NEDD4: variants seen among roughly 807,000 people sequenced by gnomAD.
NEDD4 encodes NEDD4 E3 ubiquitin protein ligase, also known as E3 ubiquitin-protein ligase NEDD4.
Under a neutral mutation model 144.9 loss-of-function variants are expected in NEDD4, and 99 were observed. The ratio of observed to expected loss-of-function variants is 0.68; its 90% CI spans 0.58 to 0.81. The LOEUF (loss-of-function observed/expected upper bound fraction) is 0.81. Ranked by LOEUF, NEDD4 falls within the 30% of genes least tolerant of loss-of-function variation. The probability of loss-of-function intolerance (pLI) is 0.00; values close to 1 mark genes in which losing one functional copy is unlikely to be tolerated. For missense variants in NEDD4, 985 were observed against 1,065.9 expected, an observed-to-expected ratio of 0.92 and a Z score of 1.06; for synonymous variants, 318 against 350.6, an observed-to-expected ratio of 0.91 and a Z score of 1.04.
intron 7 of NEDD4, among the ~76,000 whole-genome samples, chr15:55,869,960 A>G (rs1170916130): frequency 6.6e-6 from 1 of 152,194 alleles, no homozygotes; most frequent in African/African-American, 2.4e-5. Context: ...GTCAAAGAGA[A>G]GCTGGCCTTT....
intron 1 of NEDD4, among the ~76,000 whole-genome samples, chr15:55,971,506 TC>T (rs2037608053): frequency 2.0e-5 from 3 of 151,624 alleles, no homozygotes; most frequent in South Asian, 2.1e-4. Context: ...GCACCTGTAA[TC>T]CCAGCTACTC....
At chr15:55,922,794 T>G (rs2036593001) in intron 5 of NEDD4, among the ~76,000 whole-genome samples, 1 of 152,102 alleles carries the variant, frequency 6.6e-6, no homozygotes, top group Non-Finnish European at 1.5e-5. Context: ...TAAGGAGGGA[T>G]CTAGGGAGGG....
intron 1 of NEDD4, among the ~76,000 whole-genome samples, chr15:55,976,836 T>A (rs1195228080): frequency 6.6e-6 from 1 of 152,080 alleles, no homozygotes; most frequent in Non-Finnish European, 1.5e-5. Flanking sequence ...GGTTTCACCG[T>A]GTTAGCAAGG....
At chr15:55,984,048 T>A (rs1277115682) in intron 1 of NEDD4, among the ~76,000 whole-genome samples, 1 of 152,212 alleles carries the variant, frequency 6.6e-6, no homozygotes, top group Non-Finnish European at 1.5e-5. Context: ...TTATACCTCA[T>A]GCCCTGACCC....
intron 11 of NEDD4, among the ~76,000 whole-genome samples, chr15:55,856,412 C>G (rs184168817): frequency 1.3e-5 from 2 of 152,248 alleles, no homozygotes; most frequent in African/African-American, 4.8e-5. Context: ...TGCTGGACTG[C>G]CTCCTGGACA....
chr15:55,829,200 A>G lies in NEDD4; in HGVS notation c.*697T>C, dbSNP rs1298583823. On this transcript the variant is annotated 3_prime_UTR_variant, in exon 29 of 29. Transcript: ENST00000435532. ...CCCATTGCAAATATGAATTTGCTTCACATGTCTTATGAACCATCTGTTTAG... is the reference window on the plus strand; with the variant it reads ...CCCATTGCAAATATGAATTTGCTTCGCATGTCTTATGAACCATCTGTTTAG... 2 of 152,268 alleles carry G rather than the reference A, an allele frequency of 1.3e-5. No individual in the cohort carries two copies. Among genetic ancestry groups the G allele is most frequent in the Non-Finnish European group, 2.9e-5 (2 of 68,042 alleles). 9.4% of individuals were successfully genotyped at this position (152,268 alleles called of 1,614,324 possible).
At chr15:55,958,818 A>C (rs1445537938) in intron 2 of NEDD4, among the ~76,000 whole-genome samples, 2 of 151,602 alleles carry the variant, frequency 1.3e-5, no homozygotes, top group Non-Finnish European at 2.9e-5. Flanking sequence ...AATTGTACAA[A>C]ATGTTTTCTT....
rs746318868 is a variant in NEDD4, at chr15:55,860,662, T to C, written c.791A>G (p.Glu264Gly). The stretch of plus-strand genomic sequence containing the variant: ...GGAGAACTAGGAAACTACTTATACC[T>C]CGGAAGACTCTCGGTTGTCAACACT... ...TESVDNRESS[E>G]NWEIIREDEA... is the part of the protein sequence containing the mutation. Residue 264 changes from glutamate (E) to glycine (G), a missense_variant and splice_region_variant, in exon 10 of 29, where the codon GAG becomes GGG. Glu to Gly is a moderately conservative substitution (Grantham distance 98, BLOSUM62 -2). Coordinates refer to ENST00000435532, the MANE Select transcript of NEDD4 (RefSeq NM_006154.4). The C allele has an allele frequency of 1.2e-6, 2 of 1,614,078 alleles. No individual in the cohort carries two copies. Among genetic ancestry groups the C allele is most frequent in the South Asian group, 1.1e-5 (1 of 91,076 alleles).
rs2034188454 is a variant in NEDD4 at position 55,856,202 on chromosome 15, GA to G, written c.961-7del. 1 of 1,608,652 alleles carries G rather than the reference GA, an allele frequency of 6.2e-7. No individual in the cohort carries two copies. Among genetic ancestry groups the G allele is most frequent in the Non-Finnish European group, 8.5e-7 (1 of 1,178,086 alleles). On this transcript the variant is annotated splice_polypyrimidine_tract_variant and splice_region_variant and intron_variant, in intron 11 of 28. Transcript: ENST00000435532. The stretch of plus-strand genomic sequence containing the variant: ...CCTCTTCTGCTGGAATGATTCTTGT[GA>G]AAAAACAAGACAACAGAAGAATACC...
chr15:55,896,514 G>A (rs2035744366), intron 5 of NEDD4, among the ~76,000 whole-genome samples: 1 of 152,080 alleles, frequency 6.6e-6, no homozygotes, highest in Admixed American at 6.6e-5. Context: ...TTTACCTGAT[G>A]ATACTAAATT....
intron 7 of NEDD4, among the ~76,000 whole-genome samples, chr15:55,871,908 T>G (rs1417261264): frequency 6.6e-6 from 1 of 152,204 alleles, no homozygotes; most frequent in African/African-American, 2.4e-5. Context: ...TTAAATTTTT[T>G]TGATAAACAT....
chr15:55,937,978 T>C (rs902683313), intron 4 of NEDD4, among the ~76,000 whole-genome samples: 2 of 151,962 alleles, frequency 1.3e-5, no homozygotes, highest in East Asian at 1.9e-4. Context: ...ACGGATGAAA[T>C]AGATAGCTCA....
At chr15:55,908,238 T>C (rs1238668564) in intron 5 of NEDD4, among the ~76,000 whole-genome samples, 1 of 152,248 alleles carries the variant, frequency 6.6e-6, no homozygotes, top group Non-Finnish European at 1.5e-5. Flanking sequence ...CATTGTTCTC[T>C]ATAGTAGGGA....
chr15:55,934,942 C>T (rs1343437858), intron 4 of NEDD4, among the ~76,000 whole-genome samples: 1 of 133,114 alleles, frequency 7.5e-6, no homozygotes, highest in East Asian at 2.4e-4. Context: ...AATATCGGCT[C>T]ACTGCAACCT....
At chr15:55,916,081 G>A (rs550762257) in intron 5 of NEDD4, 2 of 1,613,900 alleles carry the variant, frequency 1.2e-6, no homozygotes, top group South Asian at 2.2e-5. Flanking sequence ...CTGCTCACTG[G>A]CAATTTCATA....
In NEDD4 at chr15:55,871,411, A is replaced by C. The variant is rs570625355; in HGVS notation, c.404+1004T>G. On this transcript the variant is annotated intron_variant, in intron 7 of 28. Coordinates refer to ENST00000435532, the MANE Select transcript of NEDD4 (RefSeq NM_006154.4). ...ATAATATTCATTGCAGACAGAAGAA[A>C]CAAATTGTATTTTTTAAAGATAAAG... Among the ~76,000 whole-genome samples the C allele has an allele frequency of 9.8e-5, 15 of 152,370 alleles. No homozygotes were observed. In the East Asian group the frequency reaches 2.9e-3, roughly 29 times the overall value.
At chr15:55,882,526 T>G (rs2035231176) in intron 5 of NEDD4, among the ~76,000 whole-genome samples, 1 of 152,184 alleles carries the variant, frequency 6.6e-6, no homozygotes, top group South Asian at 2.1e-4. Flanking sequence ...GAGCTTGAGT[T>G]CTGGCAAGCC....
chr15:55,944,382 C>A (rs1325966781), intron 4 of NEDD4, among the ~76,000 whole-genome samples: 1 of 152,208 alleles, frequency 6.6e-6, no homozygotes, highest in Non-Finnish European at 1.5e-5. Flanking sequence ...GCCTTGCTCA[C>A]TGCTAGCGCA....
intron 12 of NEDD4, among the ~76,000 whole-genome samples, chr15:55,853,112 C>CT (rs1465002717): frequency 6.6e-6 from 1 of 152,150 alleles, no homozygotes; most frequent in Non-Finnish European, 1.5e-5. Flanking sequence ...TTCTTCACTA[C>CT]TTGTTTGCTT....
Sources: gnomAD v4.1 joint callset for allele counts (sites outside exome capture counted in the v4.1 genomes callset) on GRCh38, gnomAD v4.1.1 for gene constraint, MANE v1.5 for transcripts, NCBI Gene and HGNC (gene_info 2026-07-23, HGNC 2026-07-21) for gene names.